Variants in SORBS2 observed in about 807,000 individuals in gnomAD.
SORBS2 encodes the protein sorbin and SH3 domain-containing protein 2.
Under a neutral mutation model 97.7 loss-of-function variants are expected in SORBS2, and 46 were observed. The observed-to-expected ratio is 0.47, with a 90% CI of 0.37 to 0.60. The LOEUF is 0.60. SORBS2 is among the 20% of genes least tolerant of loss of function. SORBS2 has a pLI of 0.00. For synonymous variants in SORBS2, 476 were observed against 473.4 expected (o/e 1.01, Z -0.07); for missense variants, 1,316 against 1,282.3 (o/e 1.03, Z -0.40).
chr4:185,908,491 G>A (rs142056854), intron 1 of SORBS2, among the ~76,000 whole-genome samples: 1 of 150,844 alleles, frequency 6.6e-6, no homozygotes, highest in African/African-American at 2.4e-5. Context: ...AAAGTGCCAC[G>A]TTCCCTCTGA....
At chr4:185,815,769 A>G (rs996658484) in intron 1 of SORBS2, among the ~76,000 whole-genome samples, 3 of 152,210 alleles carry the variant, frequency 2.0e-5, no homozygotes, top group African/African-American at 7.2e-5. Flanking sequence ...TGTATCATCT[A>G]TGGAAGGCAA....
intron 1 of SORBS2, among the ~76,000 whole-genome samples, chr4:185,831,553 T>A (rs2099205152): frequency 6.6e-6 from 1 of 152,160 alleles, no homozygotes; most frequent in Admixed American, 6.5e-5. Context: ...CCTGAGGGGT[T>A]AAATCACCTG....
intron 1 of SORBS2, among the ~76,000 whole-genome samples, chr4:185,945,429 G>T (rs1344668994): frequency 6.6e-6 from 1 of 152,146 alleles, no homozygotes; most frequent in Non-Finnish European, 1.5e-5. Context: ...TCAAGGGTAG[G>T]CACATTTAAT....
At chr4:185,595,111 A>C (rs1452232618) in intron 12 of SORBS2, among the ~76,000 whole-genome samples, 1 of 152,078 alleles carries the variant, frequency 6.6e-6, no homozygotes, top group East Asian at 1.9e-4. Flanking sequence ...CCACTTCCTA[A>C]ATTCTTTATC....
At chr4:185,722,206 C>A (rs1466916982) in intron 2 of SORBS2, among the ~76,000 whole-genome samples, 2 of 152,182 alleles carry the variant, frequency 1.3e-5, no homozygotes, top group African/African-American at 4.8e-5. Flanking sequence ...CTTTATCTAT[C>A]TTTCCAGAGA....
chr4:185,662,390 A>G (rs1177011304), intron 4 of SORBS2, 148 bp from the exon 8 acceptor site: 2 of 775,746 alleles, frequency 2.6e-6, no homozygotes, highest in South Asian at 1.9e-5. Flanking sequence ...GTCAGAGGGC[A>G]TGCTACATTC....
chr4:185,905,759 C>T lies in SORBS2; in HGVS notation c.-338+50437G>A, dbSNP rs940941963. Among the ~76,000 whole-genome samples, 8 of 152,188 alleles carry T rather than the reference C, an allele frequency of 5.3e-5. No individual in the cohort carries two copies. In the South Asian group the frequency reaches 1.0e-3, roughly 20 times the overall value. Reference sequence around the variant, plus strand: ...GATTACACACATGAGCTACTAGGCCCGGCCTCTTCTGTCTTTTTGTAGGTG... The same window carrying T: ...GATTACACACATGAGCTACTAGGCCTGGCCTCTTCTGTCTTTTTGTAGGTG... On this transcript the variant is annotated intron_variant, in intron 1 of 20. Transcript: ENST00000284776.
intron 1 of SORBS2, among the ~76,000 whole-genome samples, chr4:185,783,543 C>G (rs1009314234): frequency 1.3e-5 from 2 of 152,114 alleles, no homozygotes; most frequent in Non-Finnish European, 2.9e-5. Flanking sequence ...AATGCTTTAA[C>G]CAGCAAAGTC....
chr4:185,623,878 G>A lies in SORBS2; in HGVS notation c.1251C>T (p.Phe417=), dbSNP rs2096763026. ...ATTTGGACTTCTGGATCAGCTTTTCGAATTCGGAGATGCGTGTGGGCACCA... is the reference window on the plus strand; with the variant it reads ...ATTTGGACTTCTGGATCAGCTTTTCAAATTCGGAGATGCGTGTGGGCACCA... The change falls in exon 7 of 15, where the codon TTC becomes TTT. Residue 417 remains phenylalanine, a synonymous_variant. Transcript: ENST00000418609. This position sits in a 1 kb window ranked among gnomAD's most constrained non-coding sequence, Gnocchi z 6.4. 3 of 1,614,000 alleles carry A rather than the reference G, an allele frequency of 1.9e-6. No homozygotes were observed. The highest frequency in any genetic ancestry group is 8.5e-7 in the Non-Finnish European group (1 of 1,180,034).
intron 2 of SORBS2, among the ~76,000 whole-genome samples, chr4:185,687,266 G>A (rs950258683): frequency 4.6e-5 from 7 of 152,096 alleles, no homozygotes; most frequent in South Asian, 2.1e-4. Context: ...GGGGTCAAGC[G>A]ATCCTCCTGG....
intron 2 of SORBS2, among the ~76,000 whole-genome samples, chr4:185,686,264 C>T (rs2097956795): frequency 2.0e-5 from 3 of 151,838 alleles, no homozygotes; most frequent in Non-Finnish European, 4.4e-5. Context: ...GGTAAAGATG[C>T]TCGGAAGTAT....
intron 4 of SORBS2, among the ~76,000 whole-genome samples, chr4:185,643,339 C>T (rs1309570980): frequency 6.6e-6 from 1 of 152,122 alleles, no homozygotes; most frequent in African/African-American, 2.4e-5. Flanking sequence ...CTCTGTGCAG[C>T]TGGAACCTAG....
At chr4:185,898,158 T>C (rs1474721000) in intron 1 of SORBS2, among the ~76,000 whole-genome samples, 2 of 152,254 alleles carry the variant, frequency 1.3e-5, no homozygotes, top group Non-Finnish European at 2.9e-5. Flanking sequence ...CTTTAATGAC[T>C]GTTTTCTGAT....
chr4:185,950,016 G>T (rs935688345), intron 1 of SORBS2, among the ~76,000 whole-genome samples: 2 of 152,196 alleles, frequency 1.3e-5, no homozygotes, highest in Admixed American at 1.3e-4. Context: ...CACTTTGGGA[G>T]GCCAAGGCGG....
intron 2 of SORBS2, among the ~76,000 whole-genome samples, chr4:185,747,913 C>T (rs981108973): frequency 6.6e-6 from 1 of 152,090 alleles, no homozygotes; most frequent in Non-Finnish European, 1.5e-5. Context: ...ATCACTTGAA[C>T]CCAGGAGGCG....
intron 1 of SORBS2, chr4:185,811,131 A>G (rs2099181032): frequency 6.6e-6 from 1 of 152,202 alleles, no homozygotes; most frequent in South Asian, 2.1e-4. Context: ...ACAGGACACC[A>G]AGACACTCAG....
chr4:185,863,952 C>A (rs1328566728), intron 1 of SORBS2, among the ~76,000 whole-genome samples: 1 of 152,122 alleles, frequency 6.6e-6, no homozygotes, highest in Non-Finnish European at 1.5e-5. Context: ...AGATAAAGGT[C>A]TCTACAGGAA....
intron 5 of SORBS2, among the ~76,000 whole-genome samples, chr4:185,628,596 A>G (rs2096856238): frequency 6.6e-6 from 1 of 152,158 alleles, no homozygotes. Flanking sequence ...TACAGAAAAT[A>G]AAAAAGTTAG....
chr4:185,817,112 C>G (rs1002284669), intron 1 of SORBS2, among the ~76,000 whole-genome samples: 8 of 151,996 alleles, frequency 5.3e-5, no homozygotes, highest in Non-Finnish European at 1.2e-4. Context: ...TTGCAAATGA[C>G]TATGATTGCA....
Sources: allele counts gnomAD v4.1 joint callset (sites outside exome capture counted in the v4.1 genomes callset), GRCh38; gene constraint gnomAD v4.1.1; non-coding constraint Gnocchi (gnomAD v3.1); transcripts MANE v1.5; gene names NCBI Gene and HGNC (gene_info 2026-07-23, HGNC 2026-07-21).